Variants in PIK3C2A observed in about 807,000 individuals in gnomAD.
PIK3C2A encodes the protein phosphatidylinositol 4-phosphate 3-kinase C2 domain-containing subunit alpha.
A neutral mutation model predicts 204.5 loss-of-function variants in PIK3C2A; 97 were observed. That is an observed-to-expected ratio of 0.47 (90% CI 0.40 to 0.56). The LOEUF is 0.56. PIK3C2A is among the 20% of genes least tolerant of loss of function. The pLI is 0.00. For synonymous variants in PIK3C2A, 653 were observed against 664.4 expected, an observed-to-expected ratio of 0.98 and a Z score of 0.26; for missense variants, 1,735 against 1,969.2, an observed-to-expected ratio of 0.88 and a Z score of 2.25.
chr11:17,108,438 T>C (rs1317080050), intron 22 of PIK3C2A, among the ~76,000 whole-genome samples: 1 of 152,028 alleles, frequency 6.6e-6, no homozygotes, highest in African/African-American at 2.4e-5. Context: ...CCTGTCTTTA[T>C]GAAAAATTTT....
chr11:17,127,539 C>A (rs1010304853), intron 13 of PIK3C2A, among the ~76,000 whole-genome samples: 4 of 152,106 alleles, frequency 2.6e-5, no homozygotes, highest in African/African-American at 9.7e-5. Context: ...GAACTCCTGA[C>A]CTCAAGTGAT....
intron 6 of PIK3C2A, among the ~76,000 whole-genome samples, chr11:17,147,124 T>C (rs950263059): frequency 6.6e-6 from 1 of 152,186 alleles, no homozygotes; most frequent in Non-Finnish European, 1.5e-5. Flanking sequence ...TTTCATTTTG[T>C]GATGAATAAT....
intron 1 of PIK3C2A, among the ~76,000 whole-genome samples, chr11:17,193,095 C>A (rs1446728151): frequency 6.6e-6 from 1 of 152,208 alleles, no homozygotes; most frequent in Non-Finnish European, 1.5e-5. Context: ...TGGTCGCCTG[C>A]ACTCTGTTAG....
chr11:17,176,836 C>T (rs548169830), intron 1 of PIK3C2A, among the ~76,000 whole-genome samples: 1 of 152,170 alleles, frequency 6.6e-6, no homozygotes, highest in South Asian at 2.1e-4. Flanking sequence ...TGACTGCAGT[C>T]AACCATGGAA....
chr11:17,099,120 C>T (rs1287878005), intron 26 of PIK3C2A, among the ~76,000 whole-genome samples: 1 of 152,132 alleles, frequency 6.6e-6, no homozygotes, highest in Non-Finnish European at 1.5e-5. Flanking sequence ...GTCTTGAACT[C>T]CCAACCTCAG....
At chr11:17,162,995 A>T (rs1850830436) in intron 2 of PIK3C2A, among the ~76,000 whole-genome samples, 2 of 152,170 alleles carry the variant, frequency 1.3e-5, no homozygotes, top group South Asian at 4.1e-4. Flanking sequence ...AATTCACAGA[A>T]AAAAATATAT....
chr11:17,091,094 G>A (rs563668685), intron 32 of PIK3C2A, among the ~76,000 whole-genome samples: 2 of 152,136 alleles, frequency 1.3e-5, no homozygotes, highest in South Asian at 4.2e-4. Flanking sequence ...ACACAGAGAA[G>A]GGGACAACAC....
chr11:17,175,983 A>C (rs1477003464), intron 1 of PIK3C2A, among the ~76,000 whole-genome samples: 1 of 146,160 alleles, frequency 6.8e-6, no homozygotes, highest in Non-Finnish European at 1.5e-5. Context: ...AAAATAAATT[A>C]GGGTACTTCC....
At chr11:17,197,794 T>A (rs916789095) in intron 1 of PIK3C2A, among the ~76,000 whole-genome samples, 1 of 152,170 alleles carries the variant, frequency 6.6e-6, no homozygotes, top group African/African-American at 2.4e-5. Context: ...AATTCCAACA[T>A]GACAGATAAC....
At chr11:17,157,936 C>G (rs1850649872) in intron 2 of PIK3C2A, among the ~76,000 whole-genome samples, 1 of 152,184 alleles carries the variant, frequency 6.6e-6, no homozygotes, top group South Asian at 2.1e-4. Flanking sequence ...CTAAAGATTT[C>G]TATGTTCCAG....
At chr11:17,160,878 G>GACAGGAACAA (rs1159173774) in intron 2 of PIK3C2A, among the ~76,000 whole-genome samples, 1 of 151,976 alleles carries the variant, frequency 6.6e-6, no homozygotes, top group Non-Finnish European at 1.5e-5. Flanking sequence ...CTTTGGGGAA[G>GACAGGAACAA]ACAGGAACAA....
chr11:17,191,950 T>C (rs1257519857), intron 1 of PIK3C2A, among the ~76,000 whole-genome samples: 3 of 126,640 alleles, frequency 2.4e-5, no homozygotes, highest in South Asian at 5.0e-4. Context: ...CTAAGAAACA[T>C]AAGGAAACCC....
chr11:17,120,964 C>T (rs1240510269), intron 15 of PIK3C2A, among the ~76,000 whole-genome samples: 2 of 152,108 alleles, frequency 1.3e-5, no homozygotes, highest in East Asian at 3.9e-4. Flanking sequence ...CATGTGCCAC[C>T]ATCTCAGCCT....
At chr11:17,125,325 T>C (rs1326997779) in intron 13 of PIK3C2A, among the ~76,000 whole-genome samples, 1 of 152,116 alleles carries the variant, frequency 6.6e-6, no homozygotes, top group African/African-American at 2.4e-5. Flanking sequence ...ATCTAATGGG[T>C]AGAATCTAGG....
chr11:17,117,376 T>C, intron 19 of PIK3C2A, 115 bp downstream of exon 19: 2 of 609,806 alleles, frequency 3.3e-6, no homozygotes, highest in South Asian at 2.8e-5. Flanking sequence ...AGCATGGGTA[T>C]AGTTAGAGTT....
Position 17,102,747 on chromosome 11 carries a change from T to C in PIK3C2A, c.3766A>G (p.Ile1256Val), listed in dbSNP as rs1438700912. The C allele has an allele frequency of 2.5e-6, 4 of 1,613,670 alleles. No homozygotes were observed. Among genetic ancestry groups the C allele is most frequent in the Admixed American group, 3.3e-5 (2 of 59,990 alleles). Reference protein sequence around the residue: ...LGICDRHNDNIMLRSTGHMFH... With the variant: ...LGICDRHNDNVMLRSTGHMFH... Reference sequence around the variant, plus strand: ...ATGTGTCCCGTGCTTCGAAGCATTATATTGTCATTGTGTCGATCACAGATG... The same window carrying C: ...ATGTGTCCCGTGCTTCGAAGCATTACATTGTCATTGTGTCGATCACAGATG... The change falls in exon 24 of 33, where the codon ATA (isoleucine) becomes GTA (valine). Residue 1256 changes from isoleucine (I) to valine (V), a missense_variant. This residue lies in a region of PIK3C2A where 503 missense variants were observed against 669.0 expected (regional missense o/e 0.75). Coordinates refer to ENST00000691414, the MANE Select transcript of PIK3C2A (RefSeq NM_002645.4).
At chr11:17,135,264 G>C in intron 9 of PIK3C2A, 105 bp from the exon 10 acceptor site, 1 of 1,019,046 alleles carries the variant, frequency 9.8e-7, no homozygotes, top group Non-Finnish European at 1.5e-6. Flanking sequence ...AACCTCCCAA[G>C]TATCTACAGA....
intron 1 of PIK3C2A, among the ~76,000 whole-genome samples, chr11:17,174,450 C>T (rs1851275564): frequency 1.2e-5 from 1 of 85,954 alleles, no homozygotes; most frequent in Non-Finnish European, 2.2e-5. Context: ...AAAAATTAGC[C>T]GGGCGTAGTG....
chr11:17,114,283 C>T, intron 20 of PIK3C2A, 78 bp downstream of exon 20: 1 of 768,232 alleles, frequency 1.3e-6, no homozygotes, highest in East Asian at 2.5e-5. Context: ...CTTCATTTGC[C>T]TTAAGCATAC....
Sources: gnomAD v4.1 joint callset for allele counts (sites outside exome capture counted in the v4.1 genomes callset) on GRCh38, gnomAD v4.1.1 for gene constraint, gnomAD v4.1.1 regional missense constraint, MANE v1.5 for transcripts, NCBI Gene and HGNC (gene_info 2026-07-23, HGNC 2026-07-21) for gene names.